The following TTC7A variants were observed in gnomAD, a reference collection of about 807,000 sequenced individuals.
The protein encoded by TTC7A is tetratricopeptide repeat domain 7A, also known as tetratricopeptide repeat protein 7A.
Under a neutral mutation model 103.7 loss-of-function variants are expected in TTC7A, and 110 were observed. The ratio of observed to expected loss-of-function variants is 1.06; its 90% CI spans 0.91 to 1.24. The LOEUF (loss-of-function observed/expected upper bound fraction) is 1.24. Ranked by LOEUF, TTC7A falls within the 50% of genes most tolerant of loss-of-function variation. TTC7A has a pLI of 0.00. For synonymous variants in TTC7A, 521 were observed against 467.9 expected, an observed-to-expected ratio of 1.11 and a Z score of -1.47; for missense variants, 1,340 against 1,116.3, an observed-to-expected ratio of 1.20 and a Z score of -2.86.
intron 1 of TTC7A, among the ~76,000 whole-genome samples, chr2:46,947,429 A>C (rs897016568): frequency 6.6e-6 from 1 of 152,120 alleles, no homozygotes; most frequent in African/African-American, 2.4e-5. Context: ...TTAAATTCCA[A>C]ATCTGGCCAG....
In TTC7A at chr2:46,974,977, C is replaced by G; in HGVS notation, c.522C>G (p.Leu174=). The G allele has an allele frequency of 6.2e-7, 1 of 1,613,672 alleles. No homozygotes were observed. Among genetic ancestry groups the G allele is most frequent in the Non-Finnish European group, 8.5e-7 (1 of 1,179,772 alleles). ...GGCACCCTCTTCCTCCCGCAGGCCTCTCTCTGGAACGCCTACCCAACTCCA... is the reference window on the plus strand; with the variant it reads ...GGCACCCTCTTCCTCCCGCAGGCCTGTCTCTGGAACGCCTACCCAACTCCA... ...LLSEAFVIKG[L]SLERLPNSIA... is the part of the protein sequence containing the mutation. The change falls in exon 4 of 20, where the codon CTC becomes CTG. Residue 174 remains leucine, a synonymous_variant. Coordinates refer to ENST00000319190, the MANE Select transcript of TTC7A (RefSeq NM_020458.4).
At chr2:47,049,536 T>A (rs1221167486) in intron 16 of TTC7A, among the ~76,000 whole-genome samples, 2 of 151,966 alleles carry the variant, frequency 1.3e-5, no homozygotes, top group African/African-American at 2.4e-5. Context: ...CCGGGCCCTT[T>A]TTCCATAGGG....
intron 4 of TTC7A, among the ~76,000 whole-genome samples, chr2:46,975,546 T>C (rs1414410182): frequency 1.3e-5 from 2 of 151,914 alleles, no homozygotes; most frequent in Admixed American, 6.6e-5. Flanking sequence ...TCGGCAGGGC[T>C]CTGGCAGTTT....
upstream of TTC7A, among the ~76,000 whole-genome samples, chr2:46,938,629 T>G (rs1486510524): frequency 6.6e-6 from 1 of 152,160 alleles, no homozygotes; most frequent in Non-Finnish European, 1.5e-5. Context: ...TATCAGTACT[T>G]TGGTGTGTAA....
intron 19 of TTC7A, among the ~76,000 whole-genome samples, chr2:47,070,614 G>A (rs960389514): frequency 1.3e-5 from 2 of 152,188 alleles, no homozygotes; most frequent in Non-Finnish European, 2.9e-5. Context: ...GTGTGGTCAG[G>A]AGGAGCTCCG....
chr2:47,024,933 C>T (rs1679723278), intron 14 of TTC7A, among the ~76,000 whole-genome samples: 1 of 152,216 alleles, frequency 6.6e-6, no homozygotes, highest in African/African-American at 2.4e-5. Context: ...GGACTCCCCA[C>T]CTCAGGTCCT....
chr2:46,955,858 T>C (rs1388557211), intron 2 of TTC7A, among the ~76,000 whole-genome samples: 2 of 152,188 alleles, frequency 1.3e-5, no homozygotes, highest in Admixed American at 1.3e-4. Flanking sequence ...GGGAGTTTTA[T>C]GGACAGATTG....
chr2:46,950,610 G>A, intron 2 of TTC7A, 84 bp downstream of exon 2: 1 of 1,441,228 alleles, frequency 6.9e-7, no homozygotes, highest in South Asian at 1.3e-5. Context: ...GAGTCATTTG[G>A]TCACCTGAGC....
intron 2 of TTC7A, among the ~76,000 whole-genome samples, chr2:46,920,456 A>G (rs1256998331): frequency 6.6e-6 from 1 of 151,902 alleles, no homozygotes; most frequent in Non-Finnish European, 1.5e-5. Context: ...CAGCCTCCCA[A>G]GTTGCTGGGA....
intron 2 of TTC7A, among the ~76,000 whole-genome samples, chr2:46,928,535 C>A (rs549336488): frequency 1.3e-5 from 2 of 150,914 alleles, no homozygotes; most frequent in South Asian, 4.2e-4. Context: ...TGTGGGAAGC[C>A]GAGACAGGTG....
At chr2:46,960,649 A>C (rs906446273) in intron 3 of TTC7A, among the ~76,000 whole-genome samples, 1 of 152,190 alleles carries the variant, frequency 6.6e-6, no homozygotes, top group Non-Finnish European at 1.5e-5. Flanking sequence ...CTTGTTTAAT[A>C]AATATTTGTT....
At position 47,031,649 on chromosome 2, in the gene TTC7A, C is replaced by T. The variant is rs375936773; in HGVS notation, c.1802+2265C>T. On this transcript the variant is annotated intron_variant, in intron 15 of 19. Coordinates refer to ENST00000319190, the MANE Select transcript of TTC7A (RefSeq NM_020458.4). The stretch of plus-strand genomic sequence containing the variant: ...GAGACTGTGATGCAGGCGGGAGCAC[C>T]GCTGCTCTGATGGAGCCAAGGAAGG... Among the ~76,000 whole-genome samples the T allele has an allele frequency of 1.3e-4, 20 of 152,332 alleles. No individual in the cohort carries two copies. The South Asian group carries it at 1.9e-3, about 14-fold the overall frequency.
chr2:47,067,203 A>T (rs1684248853), intron 19 of TTC7A, among the ~76,000 whole-genome samples: 1 of 152,240 alleles, frequency 6.6e-6, no homozygotes, highest in South Asian at 2.1e-4. Flanking sequence ...AATCCATAGC[A>T]CTGGCTCAGT....
rs971680347 is a variant in TTC7A at position 47,072,031 on chromosome 2, C to T, written c.2356-1671C>T. On this transcript the variant is annotated intron_variant, in intron 19 of 19. Transcript: ENST00000319190. ...GTGCTTAATTTTGTGTCTGGCGGCC[C>T]GTCGGCTGGCCTCCTTCCCTCCTCC... Among the ~76,000 whole-genome samples, 5 of 152,194 alleles carry T rather than the reference C, an allele frequency of 3.3e-5. No homozygotes were observed. The East Asian group carries it at 7.7e-4, about 23-fold the overall frequency.
chr2:46,916,505 T>C (rs1668796860), exon 1 of TTC7A: 1 of 152,380 alleles, frequency 6.6e-6, no homozygotes, highest in Non-Finnish European at 1.5e-5. Context: ...AACGAATACA[T>C]CATCCCTGTA....
rs536134938 is a variant in TTC7A, at chr2:47,070,759, C to T, written c.2356-2943C>T. On this transcript the variant is annotated intron_variant, in intron 19 of 19. Transcript: ENST00000319190. ...GAATTTCTGGGGACTTCCCCCAGAG[C>T]CCTGCACCTCCCTGGAATCATGTCT... Among the ~76,000 whole-genome samples, 242 of 152,248 alleles carry T rather than the reference C, an allele frequency of 1.6e-3. 1 individual carries two copies. The highest frequency in any genetic ancestry group is 5.3e-3 in the African/African-American group (221 of 41,552).
rs575428212 is a variant in TTC7A, at chr2:47,044,331, G to A, written c.1803-1984G>A. On this transcript the variant is annotated intron_variant, in intron 15 of 19. Coordinates refer to ENST00000319190, the MANE Select transcript of TTC7A (RefSeq NM_020458.4). ...CGCTCTAATTGTTGTCTCGAAGGCA[G>A]CCATTGTGTTTTCTTCTTCATATTC... Among the ~76,000 whole-genome samples the A allele has an allele frequency of 1.4e-4, 22 of 152,344 alleles. No individual in the cohort carries two copies. The South Asian group carries it at 4.3e-3, about 30-fold the overall frequency.
chr2:46,942,755 T>TTG (rs1441828195), intron 1 of TTC7A, among the ~76,000 whole-genome samples: 1 of 152,188 alleles, frequency 6.6e-6, no homozygotes, highest in Non-Finnish European at 1.5e-5. Flanking sequence ...ATCCTTTAAA[T>TTG]CACTTGCACT....
At chr2:47,036,807 G>A (rs1219272758) in intron 15 of TTC7A, among the ~76,000 whole-genome samples, 6 of 152,216 alleles carry the variant, frequency 3.9e-5, no homozygotes, top group Admixed American at 3.3e-4. Context: ...GCAGTGAGCT[G>A]TGATCACACT....
Sources: allele counts gnomAD v4.1 joint callset (sites outside exome capture counted in the v4.1 genomes callset), GRCh38; gene constraint gnomAD v4.1.1; transcripts MANE v1.5; gene names NCBI Gene and HGNC (gene_info 2026-07-23, HGNC 2026-07-21).